Variants in CHTF8 observed in about 807,000 individuals in gnomAD.
CHTF8 encodes chromosome transmission fidelity factor 8.
In CHTF8, 6 loss-of-function variants were observed where a neutral mutation model predicts 11.0. The ratio of observed to expected loss-of-function variants is 0.55; its 90% CI spans 0.30 to 1.08. The LOEUF (loss-of-function observed/expected upper bound fraction) is 1.08. Among genes scored for constraint, CHTF8 ranks in the 50% least tolerant of loss-of-function variants. The pLI is 0.07. For missense variants in CHTF8, 140 were observed against 153.1 expected (o/e 0.91, Z 0.45); for synonymous variants, 53 against 60.5 (o/e 0.88, Z 0.57).
chr16:69,131,905 G>A (rs965586064), intron 1 of CHTF8, among the ~76,000 whole-genome samples: 3 of 151,426 alleles, frequency 2.0e-5, no homozygotes, highest in Admixed American at 6.6e-5. Context: ...ACCTCTCCCA[G>A]AAGCCTCCCC....
chr16:69,118,409 A>T lies in CHTF8; in HGVS notation c.*2016T>A, dbSNP rs1961329504. The T allele has an allele frequency of 6.2e-7, 1 of 1,613,644 alleles. No individual in the cohort carries two copies. The highest frequency in any genetic ancestry group is 1.1e-5 in the South Asian group (1 of 91,080). On this transcript the variant is annotated 3_prime_UTR_variant, in exon 4 of 4. Transcript: ENST00000448552. ...TGACCAGGTCCAAGCTGCCCAGGTCAGAGCTACGGAAGCATGGTCCGTTCA... is the reference window on the plus strand; with the variant it reads ...TGACCAGGTCCAAGCTGCCCAGGTCTGAGCTACGGAAGCATGGTCCGTTCA...
rs1265039255 is a variant in CHTF8 at position 69,121,035 on chromosome 16, A to G, written c.141+18T>C. 1.2e-6 allele frequency: 2 copies of G among 1,603,686 alleles called. No individual in the cohort carries two copies. Among genetic ancestry groups the G allele is most frequent in the Admixed American group, 3.3e-5 (2 of 59,986 alleles). On this transcript the variant is annotated intron_variant, in intron 3 of 3. Coordinates refer to ENST00000448552, the MANE Select transcript of CHTF8 (RefSeq NM_001039690.5). Reference sequence around the variant, plus strand: ...TGCTTTCCTGAGGCATTAGGCAGGGAAAGAAAAGCCCCCTCACCTCAGTGG... The same window carrying G: ...TGCTTTCCTGAGGCATTAGGCAGGGGAAGAAAAGCCCCCTCACCTCAGTGG...
intron 1 of CHTF8, among the ~76,000 whole-genome samples, chr16:69,129,247 A>G (rs1319510976): frequency 2.0e-5 from 3 of 151,598 alleles, no homozygotes; most frequent in African/African-American, 7.3e-5. Flanking sequence ...TGGATAACAC[A>G]GTGAAACCCC....
In CHTF8 at chr16:69,120,461, G is replaced by A; in HGVS notation, c.330C>T (p.Pro110=). The A allele has an allele frequency of 6.2e-7, 1 of 1,614,156 alleles. No homozygotes were observed. Among genetic ancestry groups the A allele is most frequent in the South Asian group, 1.1e-5 (1 of 91,072 alleles). ...IKDKILFKTR[P]KPIITSVPKK... is the part of the protein sequence containing the mutation. ...TGGGGACGCTGGTGATAATGGGCTTGGGGCGGGTTTTGAAAAGGATCTTGT... is the reference window on the plus strand; with the variant it reads ...TGGGGACGCTGGTGATAATGGGCTTAGGGCGGGTTTTGAAAAGGATCTTGT... The change falls in exon 4 of 4, where the codon CCC becomes CCT. Residue 110 remains proline, a synonymous_variant. Transcript: ENST00000448552. The surrounding 1 kb of genome is among the most constrained non-coding windows in gnomAD (Gnocchi z 4.0).
At chr16:69,125,630 A>G (rs8057931) in intron 1 of CHTF8, among the ~76,000 whole-genome samples, 39,334 of 152,156 alleles carry the variant, frequency 0.26, 5,948 homozygotes, top group African/African-American at 0.41. Context: ...ACCAGCACAG[A>G]TTGTGGGACC....
chr16:69,120,794 C>A lies in CHTF8; in HGVS notation c.142-145G>T. 1 of 752,228 alleles carries A rather than the reference C, an allele frequency of 1.3e-6. No individual in the cohort carries two copies. Among genetic ancestry groups the A allele is most frequent in the Non-Finnish European group, 2.3e-6 (1 of 442,744 alleles). 46.6% of individuals were successfully genotyped at this position (752,228 alleles called of 1,614,324 possible). A position where few individuals can be genotyped will look rare whatever the true frequency, so the allele number is the denominator to read the frequency against. The stretch of plus-strand genomic sequence containing the variant: ...CCATTGTTGAGCAGCCACACTGGAC[C>A]ACCCACCCATGTGCCCTTTTTACTT... On this transcript the variant is annotated intron_variant, in intron 3 of 3. Coordinates refer to ENST00000448552, the MANE Select transcript of CHTF8 (RefSeq NM_001039690.5). The surrounding 1 kb of genome is among the most constrained non-coding windows in gnomAD (Gnocchi z 4.0).
chr16:69,120,443 G>A lies in CHTF8; in HGVS notation c.348C>T (p.Ser116=), dbSNP rs368953196. ...FKTRPKPIIT[S]VPKKV ...GGTTCTTTCATACTTTCTTGGGGAC[G>A]CTGGTGATAATGGGCTTGGGGCGGG... is the stretch of plus-strand genomic sequence containing the variant. The change falls in exon 4 of 4, where the codon AGC becomes AGT. Residue 116 remains serine (S), a synonymous_variant. Transcript: ENST00000448552. The surrounding 1 kb of genome is among the most constrained non-coding windows in gnomAD (Gnocchi z 4.0). 99 of 1,614,036 alleles carry A rather than the reference G, an allele frequency of 6.1e-5. 1 individual carries two copies. The South Asian group carries it at 6.6e-4, about 11-fold the overall frequency.
rs1192690484 is a variant in CHTF8, at chr16:69,118,949, T to C, written c.*1476A>G. 1.4e-6 allele frequency: 1 copy of C among 702,890 alleles called. No homozygotes were observed. The allele number at this position is 702,890 out of a possible 1,614,324, so 43.5% of individuals were successfully genotyped here. ...TTTGTGCCAGGGAGGCTCCCCACTC[T>C]AGGAAATGGGACGAAACTCTTGCCT... On this transcript the variant is annotated 3_prime_UTR_variant, in exon 4 of 4. Transcript: ENST00000448552.
intron 1 of CHTF8, among the ~76,000 whole-genome samples, chr16:69,123,034 T>C (rs1180612697): frequency 6.6e-6 from 1 of 152,124 alleles, no homozygotes; most frequent in Non-Finnish European, 1.5e-5. Flanking sequence ...GCTGGGATTA[T>C]AGGCTTGAGC....
In CHTF8 at chr16:69,132,470, G is replaced by A. The variant is rs1357446576; in HGVS notation, c.-36+14C>T. Reference sequence around the variant, plus strand: ...CTCCCCGCAGCCTCCCGTGCCCCCCGCCCGCGGCCTGACCTGCAATGGCGG... The same window carrying A: ...CTCCCCGCAGCCTCCCGTGCCCCCCACCCGCGGCCTGACCTGCAATGGCGG... On this transcript the variant is annotated intron_variant, in intron 1 of 3. Transcript: ENST00000448552. 1 of 198,296 alleles carries A rather than the reference G, an allele frequency of 5.0e-6. No homozygotes were observed. The highest frequency in any genetic ancestry group is 9.6e-6 in the Non-Finnish European group (1 of 104,332). 12.3% of individuals were successfully genotyped at this position (198,296 alleles called of 1,614,324 possible). A position where few individuals can be genotyped will look rare whatever the true frequency, so the allele number is the denominator to read the frequency against.
In CHTF8 at chr16:69,119,130, T is replaced by C. The variant is rs973345955; in HGVS notation, c.*1295A>G. On this transcript the variant is annotated 3_prime_UTR_variant, in exon 4 of 4. Transcript: ENST00000448552. Reference sequence around the variant, plus strand: ...GGAAAGTAACTTGACCAGGGCCTAATGGGCCAGTAGACCTTGGGAAGGTAG... The same window carrying C: ...GGAAAGTAACTTGACCAGGGCCTAACGGGCCAGTAGACCTTGGGAAGGTAG... 4 of 702,936 alleles carry C rather than the reference T, an allele frequency of 5.7e-6. No homozygotes were observed. The highest frequency in any genetic ancestry group is 3.5e-5 in the African/African-American group (2 of 57,282). 43.5% of individuals were successfully genotyped at this position (702,936 alleles called of 1,614,324 possible). A position where few individuals can be genotyped will look rare whatever the true frequency, so the allele number is the denominator to read the frequency against.
chr16:69,131,155 G>C (rs1416391280), intron 1 of CHTF8: 1 of 152,096 alleles, frequency 6.6e-6, no homozygotes, highest in Non-Finnish European at 1.5e-5. Flanking sequence ...CTCCAAAAAG[G>C]GGCTTATGGA....
At chr16:69,132,318 TCCCCCGCCCGCGC>T (rs1428712495) in intron 1 of CHTF8, among the ~76,000 whole-genome samples, 153 bp downstream of exon 1, 81 of 46,012 alleles carry the variant, frequency 1.8e-3, no homozygotes, top group Non-Finnish European at 2.3e-3. Flanking sequence ...CGGCCACCCC[TCCCCCGCCCGCGC>T]TCCCCGCCCC....
At position 69,118,382 on chromosome 16, in the gene CHTF8, G is replaced by A; in HGVS notation, c.*2043C>T. Reference sequence around the variant, plus strand: ...CCCAGGGAAAGGTATGGCAGTAGAGGATGACCAGGTCCAAGCTGCCCAGGT... The same window carrying A: ...CCCAGGGAAAGGTATGGCAGTAGAGAATGACCAGGTCCAAGCTGCCCAGGT... On this transcript the variant is annotated 3_prime_UTR_variant, in exon 4 of 4. Coordinates refer to ENST00000448552, the MANE Select transcript of CHTF8 (RefSeq NM_001039690.5). 6.2e-7 allele frequency: 1 copy of A among 1,612,076 alleles called. No homozygotes were observed. The highest frequency in any genetic ancestry group is 8.5e-7 in the Non-Finnish European group (1 of 1,178,116).
chr16:69,124,526 TGA>T (rs980052322), intron 1 of CHTF8, among the ~76,000 whole-genome samples: 1 of 150,680 alleles, frequency 6.6e-6, no homozygotes, highest in Admixed American at 6.6e-5. Context: ...CAGCTTCAAG[TGA>T]TTCTCTTGCC....
chr16:69,121,554 T>C (rs1597110655), intron 1 of CHTF8, 61 bp from the exon 2 acceptor site: 1 of 1,027,092 alleles, frequency 9.7e-7, no homozygotes, highest in East Asian at 2.5e-5. Flanking sequence ...TGACACCTAA[T>C]GCAACCTCCA....
intron 1 of CHTF8, among the ~76,000 whole-genome samples, chr16:69,122,429 G>GT (rs1038249080): frequency 2.0e-5 from 3 of 150,638 alleles, no homozygotes; most frequent in African/African-American, 4.9e-5. Context: ...CTGGAGCGCA[G>GT]TGGCGCCATC....
chr16:69,121,025 T>A (rs1270251739), intron 3 of CHTF8, 28 bp downstream of exon 3: 1 of 1,582,806 alleles, frequency 6.3e-7, no homozygotes, highest in Non-Finnish European at 8.7e-7. Flanking sequence ...TCCTGAGGCA[T>A]TAGGCAGGGA....
At position 69,121,541 on chromosome 16, in the gene CHTF8, TA is replaced by T. The variant is rs1331867354; in HGVS notation, c.-35-49del. On this transcript the variant is annotated intron_variant, in intron 1 of 3. Coordinates refer to ENST00000448552, the MANE Select transcript of CHTF8 (RefSeq NM_001039690.5). ...TTAGGGTAATAACAACAACAACTAA[TA>T]ATGACACCTAATGCAACCTCCACCT... 8 of 1,107,064 alleles carry T rather than the reference TA, an allele frequency of 7.2e-6. No homozygotes were observed. The African/African-American group carries it at 1.3e-4, about 17-fold the overall frequency. 68.6% of individuals were successfully genotyped at this position (1,107,064 alleles called of 1,614,324 possible). A position where few individuals can be genotyped will look rare whatever the true frequency, so the allele number is the denominator to read the frequency against.
Sources: gnomAD v4.1 joint callset for allele counts (sites outside exome capture counted in the v4.1 genomes callset) on GRCh38, gnomAD v4.1.1 for gene constraint, Gnocchi (gnomAD v3.1) non-coding constraint, MANE v1.5 for transcripts, NCBI Gene and HGNC (gene_info 2026-07-23, HGNC 2026-07-21) for gene names.